HTR5A: variants seen among roughly 807,000 people sequenced by gnomAD.
The protein encoded by HTR5A is 5-hydroxytryptamine receptor 5A.
In HTR5A, 21 loss-of-function variants were observed where a neutral mutation model predicts 24.3. That is an observed-to-expected ratio of 0.86 (90% CI 0.61 to 1.24). The LOEUF (loss-of-function observed/expected upper bound fraction) is 1.24, where lower values mean the gene tolerates loss of function less well. Ranked by LOEUF, HTR5A falls within the 50% of genes most tolerant of loss-of-function variation. The pLI is 0.00. For missense variants in HTR5A, 497 were observed against 489.5 expected (o/e 1.02, Z -0.15); for synonymous variants, 260 against 213.7 (o/e 1.22, Z -1.89).
intron 1 of HTR5A, among the ~76,000 whole-genome samples, chr7:155,075,634 T>C (rs922762098): frequency 2.0e-5 from 3 of 152,180 alleles, no homozygotes; most frequent in African/African-American, 7.2e-5. Context: ...TGTTCCTTTT[T>C]CTTCTAGCTT....
Position 155,075,251 on chromosome 7 carries a change from T to C in HTR5A, c.741+3611T>C, listed in dbSNP as rs1485522276. ...AAGCTGCAGGAGAGATCTCCGTGATTATCCAGATTGTCACCACTGTTTTTG... is the reference window on the plus strand; with the variant it reads ...AAGCTGCAGGAGAGATCTCCGTGATCATCCAGATTGTCACCACTGTTTTTG... On this transcript the variant is annotated intron_variant, in intron 1 of 1. Coordinates refer to ENST00000287907, the MANE Select transcript of HTR5A (RefSeq NM_024012.4). Among the ~76,000 whole-genome samples, 3 of 137,036 alleles carry C rather than the reference T, an allele frequency of 2.2e-5. No individual in the cohort carries two copies. In the East Asian group the frequency reaches 6.8e-4, roughly 31 times the overall value. The allele number at this position is 137,036 out of a possible 152,430, so 89.9% of individuals were successfully genotyped here.
chr7:155,081,748 C>T (rs183451697), intron 1 of HTR5A, among the ~76,000 whole-genome samples: 1 of 152,204 alleles, frequency 6.6e-6, no homozygotes, highest in East Asian at 1.9e-4. Context: ...AGTAAGAAAA[C>T]AATTCCACCA....
intron 1 of HTR5A, among the ~76,000 whole-genome samples, chr7:155,076,060 A>G (rs2698508): frequency 0.9 from 136,640 of 152,250 alleles, 63,137 homozygotes; most frequent in East Asian, 1. Context: ...TAACGTCAGC[A>G]TAGGATAAAG....
rs767334665 is a variant in HTR5A at position 155,084,145 on chromosome 7, T to A, written c.742-10T>A. ...TGGCTCCTCATAAAGCTCCTGCTTG[T>A]CTTTTACAGGTGAAGGACTCTGCCA... is the stretch of plus-strand genomic sequence containing the variant. On this transcript the variant is annotated splice_polypyrimidine_tract_variant and intron_variant, in intron 1 of 1. Coordinates refer to ENST00000287907, the MANE Select transcript of HTR5A (RefSeq NM_024012.4). 8 of 1,580,206 alleles carry A rather than the reference T, an allele frequency of 5.1e-6. No individual in the cohort carries two copies. The highest frequency in any genetic ancestry group is 5.2e-6 in the Non-Finnish European group (6 of 1,162,850).
chr7:155,076,059 C>T lies in HTR5A; in HGVS notation c.741+4419C>T, dbSNP rs1025372469. 4.6e-5 allele frequency among the ~76,000 whole-genome samples: 7 copies of T among 152,152 alleles called. No individual in the cohort carries two copies. The East Asian group carries it at 9.6e-4, about 21-fold the overall frequency. ...TTGACATTGAGACACTTAACGTCAG[C>T]ATAGGATAAAGGACCCAGGAACTAT... On this transcript the variant is annotated intron_variant, in intron 1 of 1. Transcript: ENST00000287907.
intron 1 of HTR5A, among the ~76,000 whole-genome samples, chr7:155,071,887 G>C (rs1795299949): frequency 6.6e-6 from 1 of 152,140 alleles, no homozygotes. Flanking sequence ...CAGAACACGA[G>C]GAGTTCAGAC....
Position 155,087,049 on chromosome 7 carries a change from T to G in HTR5A, c.*2562T>G, listed in dbSNP as rs1316577752. On this transcript the variant is annotated 3_prime_UTR_variant, in exon 2 of 2. Coordinates refer to ENST00000287907, the MANE Select transcript of HTR5A (RefSeq NM_024012.4). ...GAATATGTCGAACAAAACGCACAGTTCTGCCCTCCTGCCTAAAGACAAAGT... is the reference window on the plus strand; with the variant it reads ...GAATATGTCGAACAAAACGCACAGTGCTGCCCTCCTGCCTAAAGACAAAGT... Among the ~76,000 whole-genome samples the G allele has an allele frequency of 6.6e-6, 1 of 152,136 alleles. No individual in the cohort carries two copies. The highest frequency in any genetic ancestry group is 6.5e-5 in the Admixed American group (1 of 15,280).
At chr7:155,073,608 T>A (rs1436179705) in intron 1 of HTR5A, among the ~76,000 whole-genome samples, 5 of 151,894 alleles carry the variant, frequency 3.3e-5, no homozygotes, top group South Asian at 2.1e-4. Context: ...ACAAGAAGAC[T>A]GGTCACCTCC....
intron 1 of HTR5A, among the ~76,000 whole-genome samples, chr7:155,077,517 G>C (rs2150819113): frequency 6.9e-6 from 1 of 145,240 alleles, no homozygotes; most frequent in Non-Finnish European, 1.5e-5. Flanking sequence ...AGGCCAGAGT[G>C]CAGTGGCATA....
At chr7:155,073,302 C>CA (rs1795318472) in intron 1 of HTR5A, among the ~76,000 whole-genome samples, 1 of 116,112 alleles carries the variant, frequency 8.6e-6, no homozygotes, top group Admixed American at 1.3e-4. Flanking sequence ...GCCTGGGCGA[C>CA]AGAGTGAGAC....
chr7:155,082,077 G>T (rs1156744029), intron 1 of HTR5A, among the ~76,000 whole-genome samples: 2 of 152,072 alleles, frequency 1.3e-5, no homozygotes, highest in Non-Finnish European at 2.9e-5. Flanking sequence ...AGCATCTCCA[G>T]TATAATCAGC....
intron 1 of HTR5A, 40 bp from the exon 2 acceptor site, chr7:155,084,115 T>C: frequency 6.7e-7 from 1 of 1,501,348 alleles, no homozygotes. Flanking sequence ...GCAGGTAGAC[T>C]GAGGTGGCTC....
At chr7:155,075,859 C>A (rs1198963887) in intron 1 of HTR5A, among the ~76,000 whole-genome samples, 2 of 150,864 alleles carry the variant, frequency 1.3e-5, no homozygotes, top group Non-Finnish European at 1.5e-5. Flanking sequence ...TAAAAAAAAA[C>A]CCTCTAGTTA....
chr7:155,073,008 C>G (rs1437349680), intron 1 of HTR5A, among the ~76,000 whole-genome samples: 1 of 152,142 alleles, frequency 6.6e-6, no homozygotes, highest in African/African-American at 2.4e-5. Flanking sequence ...TTTGGGCTGT[C>G]TGGAGACATT....
intron 1 of HTR5A, among the ~76,000 whole-genome samples, chr7:155,079,565 T>C (rs2150819888): frequency 6.6e-6 from 1 of 152,376 alleles, no homozygotes. Flanking sequence ...CTAGAGCTTC[T>C]CTTAAATATC....
Position 155,084,234 on chromosome 7 carries a change from C to G in HTR5A, c.821C>G (p.Thr274Arg), listed in dbSNP as rs773969198. ...ATVTFQPEGD[T>R]WREQKEQRAA... ...GTCACCTTCCAGCCAGAAGGGGACA[C>G]GTGGCGGGAGCAGAAGGAGCAGCGG... The change falls in exon 2 of 2, where the codon ACG (threonine) becomes AGG (arginine). Residue 274 changes from threonine to arginine, a missense_variant. Transcript: ENST00000287907. 2.4e-5 allele frequency: 39 copies of G among 1,613,954 alleles called. No homozygotes were observed. Among genetic ancestry groups the G allele is most frequent in the Non-Finnish European group, 3.2e-5 (38 of 1,180,016 alleles).
chr7:155,070,895 C>T lies in HTR5A; in HGVS notation c.-5C>T. ...AGTACCCCAGGGCGGTCTCCTGACCCAGAGATGGATTTACCTGTGAACCTA... is the reference window on the plus strand; with the variant it reads ...AGTACCCCAGGGCGGTCTCCTGACCTAGAGATGGATTTACCTGTGAACCTA... On this transcript the variant is annotated 5_prime_UTR_variant, in exon 1 of 2. Transcript: ENST00000287907. The T allele has an allele frequency of 6.3e-7, 1 of 1,594,416 alleles. No individual in the cohort carries two copies. The highest frequency in any genetic ancestry group is 8.5e-7 in the Non-Finnish European group (1 of 1,174,824).
rs999057376 is a variant in HTR5A, at chr7:155,085,497, G to C, written c.*1010G>C. 1.3e-5 allele frequency: 2 copies of C among 152,178 alleles called. No individual in the cohort carries two copies. Among genetic ancestry groups the C allele is most frequent in the African/African-American group, 2.4e-5 (1 of 41,440 alleles). The allele number at this position is 152,178 out of a possible 1,614,324, so 9.4% of individuals were successfully genotyped here. A position where few individuals can be genotyped will look rare whatever the true frequency, so the allele number is the denominator to read the frequency against. On this transcript the variant is annotated 3_prime_UTR_variant, in exon 2 of 2. Coordinates refer to ENST00000287907, the MANE Select transcript of HTR5A (RefSeq NM_024012.4). Reference sequence around the variant, plus strand: ...ATTTTTTGTTGGTATGTGAATTCCTGCTAGGAGGCCGAGGCTAGTAGGCAA... The same window carrying C: ...ATTTTTTGTTGGTATGTGAATTCCTCCTAGGAGGCCGAGGCTAGTAGGCAA...
At chr7:155,075,361 A>G (rs922376276) in intron 1 of HTR5A, among the ~76,000 whole-genome samples, 1 of 152,346 alleles carries the variant, frequency 6.6e-6, no homozygotes, top group African/African-American at 2.4e-5. Context: ...TATTTTTTAG[A>G]TCATCTGTTG....
Sources: gnomAD v4.1 joint callset for allele counts (sites outside exome capture counted in the v4.1 genomes callset) on GRCh38, gnomAD v4.1.1 for gene constraint, MANE v1.5 for transcripts, NCBI Gene and HGNC (gene_info 2026-07-23, HGNC 2026-07-21) for gene names.